Variants in TAFA1 observed in about 807,000 individuals in gnomAD.
The protein encoded by TAFA1 is TAFA chemokine like family member 1.
Under a neutral mutation model 18.5 loss-of-function variants are expected in TAFA1, and 4 were observed. The ratio of observed to expected loss-of-function variants is 0.22; its 90% CI spans 0.11 to 0.49. TAFA1 has a LOEUF of 0.49. Among genes scored for constraint, TAFA1 ranks in the 20% least tolerant of loss-of-function variants. The pLI is 0.98. For synonymous variants in TAFA1, 56 were observed against 55.2 expected (o/e 1.01, Z -0.06); for missense variants, 147 against 169.0 (o/e 0.87, Z 0.72).
intron 3 of TAFA1, among the ~76,000 whole-genome samples, chr3:68,497,616 A>C (rs548053875): frequency 6.6e-6 from 1 of 152,310 alleles, no homozygotes; most frequent in East Asian, 1.9e-4. Flanking sequence ...CCAGGAAACA[A>C]AAGTAGACAG....
intron 2 of TAFA1, among the ~76,000 whole-genome samples, chr3:68,102,634 A>G (rs2065161327): frequency 2.0e-5 from 3 of 152,196 alleles, no homozygotes. Flanking sequence ...TTATAAGTTT[A>G]TTGGTACATT....
chr3:68,511,837 A>G (rs2072850860), intron 3 of TAFA1, among the ~76,000 whole-genome samples: 1 of 152,052 alleles, frequency 6.6e-6, no homozygotes, highest in Non-Finnish European at 1.5e-5. Flanking sequence ...GTAATACACA[A>G]TATTTAATTA....
At chr3:68,422,875 GC>G (rs2070982619) in intron 3 of TAFA1, among the ~76,000 whole-genome samples, 1 of 151,836 alleles carries the variant, frequency 6.6e-6, no homozygotes, top group African/African-American at 2.4e-5. Context: ...GAAGTGGGGA[GC>G]ATGCTACTCA....
At chr3:68,168,682 A>G (rs887094012) in intron 2 of TAFA1, among the ~76,000 whole-genome samples, 1 of 152,212 alleles carries the variant, frequency 6.6e-6, no homozygotes, top group Non-Finnish European at 1.5e-5. Flanking sequence ...GCTTGCCATG[A>G]GGTTGCAAGT....
At position 68,472,293 on chromosome 3, in the gene TAFA1, C is replaced by T. The variant is rs1348865476; in HGVS notation, c.259+54873C>T. Among the ~76,000 whole-genome samples, 4 of 152,092 alleles carry T rather than the reference C, an allele frequency of 2.6e-5. No individual in the cohort carries two copies. The East Asian group carries it at 7.7e-4, about 29-fold the overall frequency. ...TTCCCCATACAAACTCTCTTGCCTG[C>T]CACCATGTAAGAAGTCACTTTGCTC... On this transcript the variant is annotated intron_variant, in intron 3 of 4. Transcript: ENST00000478136.
intron 2 of TAFA1, among the ~76,000 whole-genome samples, chr3:68,291,144 T>C (rs2068097444): frequency 6.6e-6 from 1 of 152,118 alleles, no homozygotes; most frequent in Admixed American, 6.5e-5. Context: ...GATTTTTGGA[T>C]CTGACAGCAA....
At chr3:68,309,310 G>T (rs2068476399) in intron 2 of TAFA1, among the ~76,000 whole-genome samples, 1 of 152,104 alleles carries the variant, frequency 6.6e-6, no homozygotes, top group Non-Finnish European at 1.5e-5. Context: ...ATTATAATAT[G>T]CCCAAAGATA....
At chr3:68,537,232 G>A (rs1440567603) in intron 3 of TAFA1, among the ~76,000 whole-genome samples, 1 of 152,076 alleles carries the variant, frequency 6.6e-6, no homozygotes, top group Non-Finnish European at 1.5e-5. Context: ...TTCATCTTCT[G>A]AAATTTTGAT....
chr3:68,383,726 A>G lies in TAFA1; in HGVS notation c.119-33554A>G, dbSNP rs111377380. On this transcript the variant is annotated intron_variant, in intron 2 of 4. Coordinates refer to ENST00000478136, the MANE Select transcript of TAFA1 (RefSeq NM_213609.4). ...TGAGGTAGGGAGGAGTCCCTCTTCA[A>G]TTTTTGAAATAGTTTCATCAGGAAT... is the stretch of plus-strand genomic sequence containing the variant. 5.0e-3 allele frequency among the ~76,000 whole-genome samples: 756 copies of G among 151,404 alleles called. 8 individuals carry two copies. Among genetic ancestry groups the G allele is most frequent in the Middle Eastern group, 0.01 (3 of 294 alleles).
At chr3:68,411,143 A>C (rs1306193926) in intron 2 of TAFA1, among the ~76,000 whole-genome samples, 1 of 152,102 alleles carries the variant, frequency 6.6e-6, no homozygotes, top group Non-Finnish European at 1.5e-5. Flanking sequence ...GAAAAATTTT[A>C]TCTCTGGGTT....
intron 2 of TAFA1, among the ~76,000 whole-genome samples, chr3:68,413,979 T>C (rs181958649): frequency 4.6e-5 from 7 of 152,042 alleles, no homozygotes; most frequent in Non-Finnish European, 7.4e-5. Context: ...AAGTGACCAG[T>C]GTCCATGGAG....
At chr3:68,476,944 C>A (rs2072109252) in intron 3 of TAFA1, among the ~76,000 whole-genome samples, 1 of 152,234 alleles carries the variant, frequency 6.6e-6, no homozygotes, top group South Asian at 2.1e-4. Flanking sequence ...GGAATTTACA[C>A]AAGGTAAATA....
chr3:68,007,172 A>C (rs1351219215), intron 2 of TAFA1, among the ~76,000 whole-genome samples: 2 of 152,228 alleles, frequency 1.3e-5, no homozygotes, highest in Admixed American at 1.3e-4. Flanking sequence ...AATGAAAAAG[A>C]AATTAAAAAG....
chr3:68,052,875 G>A lies in TAFA1; in HGVS notation c.118+46131G>A, dbSNP rs113771415. Among the ~76,000 whole-genome samples, 912 of 152,286 alleles carry A rather than the reference G, an allele frequency of 6.0e-3. 5 individuals carry two copies. Among genetic ancestry groups the A allele is most frequent in the African/African-American group, 0.019 (782 of 41,552 alleles). On this transcript the variant is annotated intron_variant, in intron 2 of 4. Transcript: ENST00000478136. ...TACTAATTAATAAGGGGAACAGGAA[G>A]AGTTTATAATTGGTTCAAATTAGAA...
intron 3 of TAFA1, among the ~76,000 whole-genome samples, chr3:68,439,170 C>A (rs1430823397): frequency 3.3e-5 from 5 of 151,960 alleles, no homozygotes; most frequent in African/African-American, 1.2e-4. Flanking sequence ...CATGGCCAGG[C>A]TGAGAGTTTT....
At chr3:68,034,710 G>C (rs1705008953) in intron 2 of TAFA1, among the ~76,000 whole-genome samples, 1 of 152,148 alleles carries the variant, frequency 6.6e-6, no homozygotes, top group African/African-American at 2.4e-5. Flanking sequence ...CACAGTGTAG[G>C]GACTCTTCTG....
At chr3:68,363,379 G>A (rs1365603204) in intron 2 of TAFA1, among the ~76,000 whole-genome samples, 2 of 152,098 alleles carry the variant, frequency 1.3e-5, no homozygotes, top group African/African-American at 4.8e-5. Flanking sequence ...GTGCTAAATG[G>A]CTTACATAAA....
intron 3 of TAFA1, among the ~76,000 whole-genome samples, chr3:68,499,337 A>G (rs916731283): frequency 6.6e-6 from 1 of 151,470 alleles, no homozygotes; most frequent in African/African-American, 2.4e-5. Context: ...AAAATGGCAG[A>G]CTGAACCAAA....
At chr3:68,163,158 T>TGAA (rs2065945483) in intron 2 of TAFA1, among the ~76,000 whole-genome samples, 1 of 152,230 alleles carries the variant, frequency 6.6e-6, no homozygotes, top group Non-Finnish European at 1.5e-5. Flanking sequence ...CGTAATCTTC[T>TGAA]GAAGGACTAC....
Sources: allele counts gnomAD v4.1 joint callset (sites outside exome capture counted in the v4.1 genomes callset), GRCh38; gene constraint gnomAD v4.1.1; transcripts MANE v1.5; gene names NCBI Gene and HGNC (gene_info 2026-07-23, HGNC 2026-07-21).